The following LIMCH1 variants were observed in gnomAD, a reference collection of about 807,000 sequenced individuals.
The protein encoded by LIMCH1 is LIM and calponin homology domains-containing protein 1.
Under a neutral mutation model 176.5 loss-of-function variants are expected in LIMCH1, and 113 were observed. That is an observed-to-expected ratio of 0.64 (90% confidence interval 0.55 to 0.75). The LOEUF is 0.75. LIMCH1 is among the 30% of genes least tolerant of loss of function. LIMCH1 has a pLI of 0.00. For missense variants in LIMCH1, 1,674 were observed against 1,814.9 expected (o/e 0.92, Z 1.41); for synonymous variants, 619 against 645.9 (o/e 0.96, Z 0.63).
rs756687143 is a variant in LIMCH1, at chr4:41,603,860, C to T, written c.-133-15C>T. 24 of 1,592,976 alleles carry T rather than the reference C, an allele frequency of 1.5e-5. No individual in the cohort carries two copies. The East Asian group carries it at 5.4e-4, about 36-fold the overall frequency. ...GCTATTCTGACAATATTTTCTTTTC[C>T]CTTTCCTTGACTAGGAGCCTTGATT... On this transcript the variant is annotated splice_polypyrimidine_tract_variant and intron_variant, in intron 2 of 31. Coordinates refer to ENST00000503057, the MANE Select transcript of LIMCH1 (RefSeq NM_001330672.2).
At chr4:41,671,884 CAAAAAAA>C (rs34994833) in intron 22 of LIMCH1, among the ~76,000 whole-genome samples, 33 of 52,356 alleles carry the variant, frequency 6.3e-4, no homozygotes, top group African/African-American at 2.5e-3. Flanking sequence ...GACTTCGTCT[CAAAAAAA>C]AAAAAAAAAA....
intron 1 of LIMCH1, among the ~76,000 whole-genome samples, chr4:41,362,738 A>C (rs2052330055): frequency 6.6e-6 from 1 of 152,236 alleles, no homozygotes; most frequent in Admixed American, 6.5e-5. Flanking sequence ...ATCAAGATAC[A>C]AAATGTCTCC....
At chr4:41,540,305 GA>G (rs1335204709) in intron 1 of LIMCH1, among the ~76,000 whole-genome samples, 5 of 152,272 alleles carry the variant, frequency 3.3e-5, no homozygotes, top group African/African-American at 1.2e-4. Flanking sequence ...AGAGGAGGAG[GA>G]GGAACTTTGG....
rs1228901965 is a variant in LIMCH1, at chr4:41,699,274, A to G, written c.*2089A>G. 6.6e-6 allele frequency: 1 copy of G among 152,184 alleles called. No individual in the cohort carries two copies. The highest frequency in any genetic ancestry group is 1.5e-5 in the Non-Finnish European group (1 of 68,038). The allele number at this position is 152,184 out of a possible 1,614,324, so 9.4% of individuals were successfully genotyped here. ...CTTCTGGTTTCACAAACCCATTTAT[A>G]CATATTTCTTAGTGAGGCTCATTGT... On this transcript the variant is annotated 3_prime_UTR_variant, in exon 32 of 32. Transcript: ENST00000503057.
chr4:41,691,965 A>G (rs1257664124), intron 30 of LIMCH1, among the ~76,000 whole-genome samples: 1 of 152,208 alleles, frequency 6.6e-6, no homozygotes, highest in Non-Finnish European at 1.5e-5. Context: ...GAAACGGTGT[A>G]TGATAGAGGT....
At chr4:41,679,311 T>C (rs1307109438) in intron 23 of LIMCH1, among the ~76,000 whole-genome samples, 1 of 152,210 alleles carries the variant, frequency 6.6e-6, no homozygotes, top group Non-Finnish European at 1.5e-5. Flanking sequence ...TAATCAGCCA[T>C]CAGGGACTCC....
rs181994026 is a variant in LIMCH1, at chr4:41,571,041, G to A, written c.-240-27879G>A. Among the ~76,000 whole-genome samples the A allele has an allele frequency of 3.9e-5, 6 of 152,260 alleles. No homozygotes were observed. The East Asian group carries it at 1.2e-3, about 29-fold the overall frequency. On this transcript the variant is annotated intron_variant, in intron 1 of 31. Coordinates refer to ENST00000503057, the MANE Select transcript of LIMCH1 (RefSeq NM_001330672.2). The stretch of plus-strand genomic sequence containing the variant: ...CGTAAGAGGATTTGTACCAGATGGT[G>A]AGAATTGAAGTCAGATTGTGAGGGG...
intron 1 of LIMCH1, among the ~76,000 whole-genome samples, chr4:41,565,380 C>T (rs866916198): frequency 1.8e-4 from 25 of 141,538 alleles, no homozygotes; most frequent in African/African-American, 5.7e-4. Context: ...CACACACACA[C>T]ACATACACAC....
Position 41,675,292 on chromosome 4 carries a change from G to A in LIMCH1, c.3439-1090G>A, listed in dbSNP as rs550206980. ...ATGTGGATCTGTTGGGGGCCAGGCAGAGTGGGAGGTGGGCTGGCCCAGGTA... is the reference window on the plus strand; with the variant it reads ...ATGTGGATCTGTTGGGGGCCAGGCAAAGTGGGAGGTGGGCTGGCCCAGGTA... On this transcript the variant is annotated intron_variant, in intron 22 of 31. Coordinates refer to ENST00000503057, the MANE Select transcript of LIMCH1 (RefSeq NM_001330672.2). Among the ~76,000 whole-genome samples the A allele has an allele frequency of 2.0e-5, 3 of 152,000 alleles. No homozygotes were observed. In the South Asian group the frequency reaches 6.3e-4, roughly 32 times the overall value.
chr4:41,483,024 G>C (rs950890420), intron 1 of LIMCH1, among the ~76,000 whole-genome samples: 10 of 152,252 alleles, frequency 6.6e-5, no homozygotes, highest in African/African-American at 2.2e-4. Context: ...GTGATGGGAA[G>C]GAGAAGAACA....
chr4:41,563,936 C>T (rs1412974755), intron 1 of LIMCH1, among the ~76,000 whole-genome samples: 1 of 152,150 alleles, frequency 6.6e-6, no homozygotes, highest in African/African-American at 2.4e-5. Flanking sequence ...GACTTCTTAG[C>T]AGTCCTCTTC....
At chr4:41,537,746 A>G (rs1487744515), upstream of LIMCH1, among the ~76,000 whole-genome samples, 1 of 152,188 alleles carries the variant, frequency 6.6e-6, no homozygotes, top group Admixed American at 6.5e-5. Context: ...AATAAATGGT[A>G]GTTTACTTTT....
chr4:41,576,246 T>C (rs757117138), intron 1 of LIMCH1, among the ~76,000 whole-genome samples: 3 of 152,232 alleles, frequency 2.0e-5, no homozygotes, highest in Non-Finnish European at 2.9e-5. Flanking sequence ...TGATCAAGAA[T>C]GCTTTAAACT....
At chr4:41,474,417 G>T (rs541607613) in intron 1 of LIMCH1, among the ~76,000 whole-genome samples, 1 of 152,174 alleles carries the variant, frequency 6.6e-6, no homozygotes, top group South Asian at 2.1e-4. Context: ...AACCCAGGAG[G>T]TGGAGGTTGC....
chr4:41,418,917 G>C (rs185519858), intron 1 of LIMCH1: 1 of 152,220 alleles, frequency 6.6e-6, no homozygotes, highest in Admixed American at 6.5e-5. Flanking sequence ...GATCTCCATA[G>C]GATATGAGTG....
At chr4:41,525,032 A>G (rs2076483084) in intron 3 of LIMCH1, among the ~76,000 whole-genome samples, 2 of 152,326 alleles carry the variant, frequency 1.3e-5, no homozygotes, top group South Asian at 4.1e-4. Flanking sequence ...GAACCTATCC[A>G]CATAAAATCT....
chr4:41,621,576 A>G (rs895121600), intron 7 of LIMCH1, among the ~76,000 whole-genome samples: 3 of 151,296 alleles, frequency 2.0e-5, no homozygotes, highest in Non-Finnish European at 4.4e-5. Flanking sequence ...ATCTTGGCTC[A>G]CTGCAACCTC....
intron 19 of LIMCH1, 21 bp downstream of exon 19, chr4:41,661,531 G>C: frequency 6.8e-7 from 1 of 1,467,538 alleles, no homozygotes; most frequent in Non-Finnish European, 9.5e-7. Flanking sequence ...TAAGAGACTA[G>C]TTTTAAGGCA....
At chr4:41,410,007 T>A (rs1354204897) in intron 1 of LIMCH1, among the ~76,000 whole-genome samples, 1 of 152,138 alleles carries the variant, frequency 6.6e-6, no homozygotes, top group Non-Finnish European at 1.5e-5. Flanking sequence ...TTTATCTGCC[T>A]CAGAATAGTT....
Sources: allele counts gnomAD v4.1 joint callset (sites outside exome capture counted in the v4.1 genomes callset), GRCh38; gene constraint gnomAD v4.1.1; transcripts MANE v1.5; gene names NCBI Gene and HGNC (gene_info 2026-07-23, HGNC 2026-07-21).